The following GGA1 variants were observed in gnomAD, a reference collection of about 807,000 sequenced individuals.
GGA1 encodes the protein ADP-ribosylation factor-binding protein GGA1.
GGA1 carries 18 observed loss-of-function variants against 76.9 expected under a neutral mutation model. That is an observed-to-expected ratio of 0.23 (90% CI 0.16 to 0.35). GGA1 has a LOEUF of 0.35. GGA1 is among the 10% of genes least tolerant of loss of function. The probability of loss-of-function intolerance (pLI) is 1.00; values close to 1 mark genes in which losing one functional copy is unlikely to be tolerated. For missense variants in GGA1, 755 were observed against 859.0 expected (o/e 0.88, Z 1.51); for synonymous variants, 342 against 354.7 (o/e 0.96, Z 0.40).
chr22:37,630,630 G>C, intron 13 of GGA1: 2 of 513,184 alleles, frequency 3.9e-6, no homozygotes, highest in Non-Finnish European at 6.8e-6. Flanking sequence ...ACAGTGGCAT[G>C]ATCTCGGCTC....
Position 37,632,372 on chromosome 22 carries a change from GC to G in GGA1, c.1699-32del. ...CCTCAGAGCAGGACAAGCAGCCAGG[GC>G]TAGCTGTGCCCATCCTGCCATCTGC... On this transcript the variant is annotated intron_variant, in intron 15 of 16. Transcript: ENST00000343632. This position sits in a 1 kb window ranked among gnomAD's most constrained non-coding sequence, Gnocchi z 5.1. 6.7e-7 allele frequency: 1 copy of G among 1,487,040 alleles called. No individual in the cohort carries two copies. Among genetic ancestry groups the G allele is most frequent in the Non-Finnish European group, 9.4e-7 (1 of 1,064,332 alleles). The allele number at this position is 1,487,040 out of a possible 1,614,324, so 92.1% of individuals were successfully genotyped here.
chr22:37,612,326 G>C, intron 1 of GGA1, among the ~76,000 whole-genome samples: 1 of 148,306 alleles, frequency 6.7e-6, no homozygotes, highest in East Asian at 2.0e-4. Flanking sequence ...AAAAAAATTA[G>C]CCGGGCGTGG....
Position 37,632,560 on chromosome 22 carries a change from C to T in GGA1, c.1810-41C>T, listed in dbSNP as rs1195335275. The T allele has an allele frequency of 9.5e-6, 15 of 1,583,016 alleles. No homozygotes were observed. The highest frequency in any genetic ancestry group is 1.1e-5 in the Non-Finnish European group (13 of 1,151,922). ...TGCTGCAGGGTGGGGACGGCCACTT[C>T]TCCTCCTCTGACCCCTCTGCCTTTG... On this transcript the variant is annotated intron_variant, in intron 16 of 16. Coordinates refer to ENST00000343632, the MANE Select transcript of GGA1 (RefSeq NM_013365.5). This position sits in a 1 kb window ranked among gnomAD's most constrained non-coding sequence, Gnocchi z 5.1.
rs563682640 is a variant in GGA1 at position 37,612,874 on chromosome 22, G to A, written c.44-1316G>A. 1.5e-5 allele frequency: 15 copies of A among 976,650 alleles called. No individual in the cohort carries two copies. In the East Asian group the frequency reaches 1.7e-3, roughly 111 times the overall value. The allele number at this position is 976,650 out of a possible 1,614,324, so 60.5% of individuals were successfully genotyped here. ...AGATTGTTGTTTAACCAGTATTGGG[G>A]GTTAAAGGGGTAGCTGTCTGGTCGT... On this transcript the variant is annotated intron_variant, in intron 1 of 16. Coordinates refer to ENST00000343632, the MANE Select transcript of GGA1 (RefSeq NM_013365.5).
chr22:37,632,773 G>A lies in GGA1; in HGVS notation c.*62G>A. On this transcript the variant is annotated 3_prime_UTR_variant, in exon 17 of 17. Coordinates refer to ENST00000343632, the MANE Select transcript of GGA1 (RefSeq NM_013365.5). This position sits in a 1 kb window ranked among gnomAD's most constrained non-coding sequence, Gnocchi z 5.1. Reference sequence around the variant, plus strand: ...CGGTCACTGTCCAGCCTGGAGGGAGGCATTGGTGGCCAAGGACACCCTTTG... The same window carrying A: ...CGGTCACTGTCCAGCCTGGAGGGAGACATTGGTGGCCAAGGACACCCTTTG... 1.0e-6 allele frequency: 1 copy of A among 999,924 alleles called. No homozygotes were observed. The highest frequency in any genetic ancestry group is 1.6e-6 in the Non-Finnish European group (1 of 644,536). 61.9% of individuals were successfully genotyped at this position (999,924 alleles called of 1,614,324 possible).
chr22:37,617,474 C>T (rs993536898), intron 3 of GGA1: 2 of 997,734 alleles, frequency 2.0e-6, no homozygotes, highest in African/African-American at 1.7e-5. Flanking sequence ...GCATGGGCCA[C>T]ATACCAACCC....
At chr22:37,622,252 T>C in intron 7 of GGA1, among the ~76,000 whole-genome samples, 1 of 151,360 alleles carries the variant, frequency 6.6e-6, no homozygotes, top group East Asian at 1.9e-4. Flanking sequence ...ATAGTTTTTG[T>C]ATTTTTTTTG....
intron 11 of GGA1, among the ~76,000 whole-genome samples, chr22:37,628,517 C>T (rs2145985549): frequency 6.6e-6 from 1 of 152,342 alleles, no homozygotes; most frequent in African/African-American, 2.4e-5. Flanking sequence ...TATTTACCAA[C>T]TTTGAGTCCA....
At position 37,623,625 on chromosome 22, in the gene GGA1, A is replaced by ACACT. The variant is rs1412737029; in HGVS notation, c.824_825insCACT (p.Glu275AspfsTer12). ...GCGAGTGACACAGAGGACAATGATG[A>ACACT]GGCCTTAGGTGAGCCCAGGGCAGGT... is the stretch of plus-strand genomic sequence containing the variant. On this transcript the variant is annotated frameshift_variant, in exon 9 of 17. Transcript: ENST00000343632. LOFTEE classifies it high-confidence loss of function. This position sits in a 1 kb window ranked among gnomAD's most constrained non-coding sequence, Gnocchi z 4.6. 6.3e-7 allele frequency: 1 copy of ACACT among 1,579,844 alleles called. No individual in the cohort carries two copies. The highest frequency in any genetic ancestry group is 1.9e-5 in the Admixed American group (1 of 53,658).
rs1448756614 is a variant in GGA1, at chr22:37,625,637, T to C, written c.941-160T>C. The stretch of plus-strand genomic sequence containing the variant: ...CATCATATGCCAAAGAGAGGTCCTG[T>C]TGAGCAGTTTCCAGGCAGGGGCTGG... On this transcript the variant is annotated intron_variant, in intron 10 of 16. Coordinates refer to ENST00000343632, the MANE Select transcript of GGA1 (RefSeq NM_013365.5). The surrounding 1 kb of genome is among the most constrained non-coding windows in gnomAD (Gnocchi z 4.1). Among the ~76,000 whole-genome samples, 1 of 152,070 alleles carries C rather than the reference T, an allele frequency of 6.6e-6. No individual in the cohort carries two copies. Among genetic ancestry groups the C allele is most frequent in the Non-Finnish European group, 1.5e-5 (1 of 67,996 alleles).
At chr22:37,630,570 A>G (rs1931620531) in intron 13 of GGA1, 6 of 449,190 alleles carry the variant, frequency 1.3e-5, no homozygotes, top group Non-Finnish European at 2.4e-5. Flanking sequence ...CCAAAGAATC[A>G]CTTTTTCTTT....
Position 37,623,722 on chromosome 22 carries a change from A to G in GGA1, c.832+89A>G. ...CCCCCAGGCCCTGCTAAGTATCTGCAGTTGGAAGGAGCCACCACCAGGGGG... is the reference window on the plus strand; with the variant it reads ...CCCCCAGGCCCTGCTAAGTATCTGCGGTTGGAAGGAGCCACCACCAGGGGG... On this transcript the variant is annotated intron_variant, in intron 9 of 16. Coordinates refer to ENST00000343632, the MANE Select transcript of GGA1 (RefSeq NM_013365.5). The surrounding 1 kb of genome is among the most constrained non-coding windows in gnomAD (Gnocchi z 4.6). 1 of 904,978 alleles carries G rather than the reference A, an allele frequency of 1.1e-6. No homozygotes were observed. The highest frequency in any genetic ancestry group is 1.7e-6 in the Non-Finnish European group (1 of 588,852). 56.1% of individuals were successfully genotyped at this position (904,978 alleles called of 1,614,324 possible).
chr22:37,623,201 C>A lies in GGA1; in HGVS notation c.610-126C>A. On this transcript the variant is annotated intron_variant, in intron 7 of 16. Coordinates refer to ENST00000343632, the MANE Select transcript of GGA1 (RefSeq NM_013365.5). The surrounding 1 kb of genome is among the most constrained non-coding windows in gnomAD (Gnocchi z 4.6). The stretch of plus-strand genomic sequence containing the variant: ...TGGCAGGGCCTGCTGGAGCCCCACC[C>A]AGAGTGTGATCCCACAGTCACCCAG... 1.1e-6 allele frequency: 1 copy of A among 932,550 alleles called. No individual in the cohort carries two copies. Among genetic ancestry groups the A allele is most frequent in the Non-Finnish European group, 1.7e-6 (1 of 580,908 alleles). The allele number at this position is 932,550 out of a possible 1,614,324, so 57.8% of individuals were successfully genotyped here.
rs527796621 is a variant in GGA1, at chr22:37,622,882, G to A, written c.610-445G>A. Reference sequence around the variant, plus strand: ...CGGGCTCCCCCATCTGCCAGGCACCGACAGACACTGGAAGGGTCTTCCTGC... The same window carrying A: ...CGGGCTCCCCCATCTGCCAGGCACCAACAGACACTGGAAGGGTCTTCCTGC... On this transcript the variant is annotated intron_variant, in intron 7 of 16. Transcript: ENST00000343632. 3.9e-5 allele frequency among the ~76,000 whole-genome samples: 6 copies of A among 152,372 alleles called. No homozygotes were observed. In the East Asian group the frequency reaches 9.7e-4, roughly 25 times the overall value.
Position 37,633,031 on chromosome 22 carries a change from G to A in GGA1, c.*320G>A. 6.1e-6 allele frequency: 2 copies of A among 329,488 alleles called. No homozygotes were observed. The highest frequency in any genetic ancestry group is 1.2e-5 in the Non-Finnish European group (2 of 172,560). 20.4% of individuals were successfully genotyped at this position (329,488 alleles called of 1,614,324 possible). On this transcript the variant is annotated 3_prime_UTR_variant, in exon 17 of 17. Transcript: ENST00000343632. ...GAGGAAGCACAGCTGTTGGGGAAGG[G>A]CCAGGACCTCAGGCCCAGCCCCAAC...
At chr22:37,631,941 T>C (rs549452664) in intron 14 of GGA1, 55 bp from the exon 15 acceptor site, 2 of 1,511,868 alleles carry the variant, frequency 1.3e-6, no homozygotes, top group African/African-American at 1.4e-5. Context: ...GGCTGGGGGC[T>C]GAGCGGATGT....
At chr22:37,617,307 G>A in intron 3 of GGA1, 1 of 1,278,306 alleles carries the variant, frequency 7.8e-7, no homozygotes, top group South Asian at 1.8e-5. Flanking sequence ...CATGGAATCA[G>A]GGCTCCACCC....
Position 37,632,603 on chromosome 22 carries a change from G to A in GGA1, c.1812G>A (p.Glu604=). The change falls in exon 17 of 17, where the codon GAG becomes GAA. Residue 604 remains glutamate, a splice_region_variant and synonymous_variant. Transcript: ENST00000343632. This position sits in a 1 kb window ranked among gnomAD's most constrained non-coding sequence, Gnocchi z 5.1. ...QVLLLANPQK[E]KVRLRYKLTF... is the part of the protein sequence containing the mutation. ...TGCCTTTGCCATCTCTTCCCCAGGA[G>A]AAGGTTCGCCTCCGCTACAAGCTCA... is the stretch of plus-strand genomic sequence containing the variant. 6.2e-7 allele frequency: 1 copy of A among 1,611,012 alleles called. No individual in the cohort carries two copies. Among genetic ancestry groups the A allele is most frequent in the Non-Finnish European group, 8.5e-7 (1 of 1,177,236 alleles).
rs983916841 is a variant in GGA1 at position 37,617,574 on chromosome 22, C to T, written c.204+577C>T. 4 of 973,436 alleles carry T rather than the reference C, an allele frequency of 4.1e-6. No individual in the cohort carries two copies. In the African/African-American group the frequency reaches 7.0e-5, roughly 17 times the overall value. 60.3% of individuals were successfully genotyped at this position (973,436 alleles called of 1,614,324 possible). On this transcript the variant is annotated intron_variant, in intron 3 of 16. Transcript: ENST00000343632. ...TTTAGTTGGGTGCAGTGGCTTATACCTGTAATTTCAGCACTTGGGGAGGCC... is the reference window on the plus strand; with the variant it reads ...TTTAGTTGGGTGCAGTGGCTTATACTTGTAATTTCAGCACTTGGGGAGGCC...
Sources: gnomAD v4.1 joint callset for allele counts (sites outside exome capture counted in the v4.1 genomes callset) on GRCh38, gnomAD v4.1.1 for gene constraint, Gnocchi (gnomAD v3.1) non-coding constraint, MANE v1.5 for transcripts, NCBI Gene and HGNC (gene_info 2026-07-23, HGNC 2026-07-21) for gene names.